Variants in CDH13 observed in about 807,000 individuals in gnomAD.
CDH13 encodes cadherin 13, also known as cadherin-13.
Under a neutral mutation model 63.8 loss-of-function variants are expected in CDH13, and 24 were observed. The ratio of observed to expected loss-of-function variants is 0.38; its 90% confidence interval spans 0.27 to 0.53. The LOEUF (loss-of-function observed/expected upper bound fraction) is 0.53, where lower values mean the gene tolerates loss of function less well. Ranked by LOEUF, CDH13 falls within the 20% of genes least tolerant of loss-of-function variation. CDH13 has a pLI of 0.85. For synonymous variants in CDH13, 503 were observed against 355.3 expected (o/e 1.42, Z -4.67); for missense variants, 1,049 against 903.1 (o/e 1.16, Z -2.07).
intron 2 of CDH13, among the ~76,000 whole-genome samples, chr16:82,915,987 C>T (rs954862170): frequency 6.6e-6 from 1 of 151,894 alleles, no homozygotes; most frequent in African/African-American, 2.4e-5. Context: ...CATGTCTGAG[C>T]AGAGACTTTT....
At chr16:83,192,857 G>T (rs2038762939) in intron 4 of CDH13, among the ~76,000 whole-genome samples, 1 of 152,152 alleles carries the variant, frequency 6.6e-6, no homozygotes, top group South Asian at 2.1e-4. Context: ...GGCGAACAGT[G>T]CATCTAAAAG....
chr16:82,956,421 C>T (rs1906114745), intron 2 of CDH13, among the ~76,000 whole-genome samples: 1 of 152,186 alleles, frequency 6.6e-6, no homozygotes, highest in Non-Finnish European at 1.5e-5. Context: ...TATCCTGCCA[C>T]ACCCTTTGGA....
chr16:82,733,196 A>G (rs1002109952), intron 1 of CDH13, among the ~76,000 whole-genome samples: 5 of 152,188 alleles, frequency 3.3e-5, no homozygotes, highest in Non-Finnish European at 5.9e-5. Context: ...GGCTTTACAT[A>G]TGCAGACAAG....
chr16:82,749,220 C>T (rs977932976), intron 1 of CDH13, among the ~76,000 whole-genome samples: 7 of 152,082 alleles, frequency 4.6e-5, no homozygotes, highest in Non-Finnish European at 7.4e-5. Flanking sequence ...ACAGACCTTA[C>T]GGTGTTATTC....
intron 2 of CDH13, among the ~76,000 whole-genome samples, chr16:82,904,593 G>A (rs2041582308): frequency 6.6e-6 from 1 of 152,192 alleles, no homozygotes; most frequent in African/African-American, 2.4e-5. Context: ...GTTGCGGAGA[G>A]AAAGGGAGTG....
intron 2 of CDH13, among the ~76,000 whole-genome samples, chr16:82,891,229 A>G (rs895293159): frequency 1.3e-5 from 2 of 152,054 alleles, no homozygotes; most frequent in South Asian, 2.1e-4. Context: ...TGGAGAATCT[A>G]TGTTCTGTAT....
At chr16:82,640,662 A>G (rs534944715) in intron 1 of CDH13, among the ~76,000 whole-genome samples, 1 of 152,326 alleles carries the variant, frequency 6.6e-6, no homozygotes, top group Non-Finnish European at 1.5e-5. Context: ...TGTTTAAGAC[A>G]GGGATAGGGC....
intron 7 of CDH13, among the ~76,000 whole-genome samples, chr16:83,490,953 G>A (rs2074000251): frequency 6.6e-6 from 1 of 152,184 alleles, no homozygotes. Context: ...GCCAAATATA[G>A]CACCAGATAA....
chr16:82,792,652 C>T (rs1420981015), intron 1 of CDH13, among the ~76,000 whole-genome samples: 2 of 152,210 alleles, frequency 1.3e-5, no homozygotes, highest in South Asian at 4.1e-4. Context: ...GGTGGACCTT[C>T]ATTCAGGGTG....
intron 1 of CDH13, among the ~76,000 whole-genome samples, chr16:82,701,985 A>G (rs184521923): frequency 5.9e-5 from 9 of 152,316 alleles, no homozygotes; most frequent in African/African-American, 2.2e-4. Context: ...AAGGACATGA[A>G]TAAGCGGCTT....
intron 6 of CDH13, among the ~76,000 whole-genome samples, chr16:83,349,925 C>G (rs1405945571): frequency 6.6e-6 from 1 of 152,040 alleles, no homozygotes; most frequent in East Asian, 1.9e-4. Context: ...TAAAGCAGCT[C>G]CCAGAGTGGG....
intron 10 of CDH13, among the ~76,000 whole-genome samples, chr16:83,699,932 T>G (rs1021556882): frequency 2.0e-5 from 3 of 152,182 alleles, no homozygotes; most frequent in African/African-American, 4.8e-5. Flanking sequence ...AACAGCTCCA[T>G]GGAGATGTGA....
intron 6 of CDH13, among the ~76,000 whole-genome samples, chr16:83,374,965 G>T (rs909195809): frequency 3.8e-4 from 58 of 152,152 alleles, no homozygotes; most frequent in African/African-American, 1.3e-3. Context: ...TTTGATAACC[G>T]TGGGGATTTT....
At chr16:83,224,911 A>G (rs2039797832) in intron 5 of CDH13, among the ~76,000 whole-genome samples, 1 of 152,218 alleles carries the variant, frequency 6.6e-6, no homozygotes, top group Non-Finnish European at 1.5e-5. Flanking sequence ...CCCTGCAAGT[A>G]CAATGGAGTT....
intron 3 of CDH13, among the ~76,000 whole-genome samples, chr16:83,058,431 C>T (rs572086611): frequency 6.6e-6 from 1 of 152,154 alleles, no homozygotes; most frequent in Non-Finnish European, 1.5e-5. Flanking sequence ...CATGGGGGTA[C>T]CAAATAATTC....
chr16:83,014,852 ATT>A (rs539803086), intron 2 of CDH13, among the ~76,000 whole-genome samples: 4 of 108,138 alleles, frequency 3.7e-5, no homozygotes, highest in South Asian at 3.0e-4. Context: ...GTATATATAT[ATT>A]TGTATATATA....
At chr16:83,317,619 G>T (rs1292628574) in intron 5 of CDH13, among the ~76,000 whole-genome samples, 1 of 152,032 alleles carries the variant, frequency 6.6e-6, no homozygotes, top group Non-Finnish European at 1.5e-5. Context: ...TGACCAACAT[G>T]GTGAAACCCC....
At chr16:82,645,603 G>A (rs1318146569) in intron 1 of CDH13, among the ~76,000 whole-genome samples, 2 of 152,128 alleles carry the variant, frequency 1.3e-5, no homozygotes, top group African/African-American at 4.8e-5. Context: ...TAGTGCTGAG[G>A]TGGAAAACTC....
chr16:83,689,295 T>A (rs1360878482), intron 10 of CDH13, among the ~76,000 whole-genome samples: 3 of 152,322 alleles, frequency 2.0e-5, no homozygotes, highest in Non-Finnish European at 4.4e-5. Flanking sequence ...GCTTTTTTTT[T>A]AATAAACCCA....
Sources: gnomAD v4.1 joint callset for allele counts (sites outside exome capture counted in the v4.1 genomes callset) on GRCh38, gnomAD v4.1.1 for gene constraint, MANE v1.5 for transcripts, NCBI Gene and HGNC (gene_info 2026-07-23, HGNC 2026-07-21) for gene names.